Variants in PCDHA4 observed in about 807,000 individuals in gnomAD.
The protein encoded by PCDHA4 is protocadherin alpha 4.
In PCDHA4, 49 loss-of-function variants were observed where a neutral mutation model predicts 61.4. The observed-to-expected ratio is 0.80, with a 90% CI of 0.63 to 1.01. PCDHA4 has a LOEUF of 1.01. Among genes scored for constraint, PCDHA4 ranks in the 50% least tolerant of loss-of-function variants. The pLI is 0.00. For missense variants in PCDHA4, 1,254 were observed against 1,235.8 expected (o/e 1.01, Z -0.22); for synonymous variants, 590 against 550.3 (o/e 1.07, Z -1.01).
At chr5:140,927,183 C>G (rs1554204140) in intron 1 of PCDHA4, 2 of 1,614,042 alleles carry the variant, frequency 1.2e-6, no homozygotes, top group African/African-American at 2.7e-5. Flanking sequence ...TCTTGACCTA[C>G]GACCTGGTGC....
chr5:140,849,974 G>C lies in PCDHA4; in HGVS notation c.2385+40402G>C, dbSNP rs190398483. The C allele has an allele frequency of 8.8e-6, 14 of 1,597,556 alleles. 2 individuals are homozygous for C. In the South Asian group the frequency reaches 1.4e-4, roughly 16 times the overall value. ...AGGAGAACGCCCTGGTGTCCTACTC[G>C]CTGGTGGAGCGGCGGTTGGGCGAGC... is the stretch of plus-strand genomic sequence containing the variant. On this transcript the variant is annotated intron_variant, in intron 1 of 3. Transcript: ENST00000530339.
intron 1 of PCDHA4, among the ~76,000 whole-genome samples, chr5:140,892,460 C>T (rs1428598912): frequency 1.3e-5 from 2 of 152,102 alleles, no homozygotes; most frequent in African/African-American, 2.4e-5. Context: ...TCTTTAAGTA[C>T]GGTTATTCAG....
rs6883852 is a variant in PCDHA4, at chr5:140,924,704, G to T, written c.2386-54245G>T. 8.9e-3 allele frequency among the ~76,000 whole-genome samples: 1,352 copies of T among 152,160 alleles called. 15 individuals are homozygous for T. Among genetic ancestry groups the T allele is most frequent in the African/African-American group, 0.032 (1,309 of 41,486 alleles). On this transcript the variant is annotated intron_variant, in intron 1 of 3. Coordinates refer to ENST00000530339, the MANE Select transcript of PCDHA4 (RefSeq NM_018907.4). ...GAGGTCAGGAGTTCGAGACCAGCTT[G>T]TGCAACATGGCGAAACCTCACCTCT...
chr5:140,809,010 C>T lies in PCDHA4; in HGVS notation c.1823C>T (p.Ser608Leu), dbSNP rs267600386. The change falls in exon 1 of 4, where the codon TCG (serine) becomes TTG (leucine). Residue 608 changes from serine to leucine, a missense_variant. Transcript: ENST00000530339. ...DADSGYNAWL[S>L]YELQPGTGGA... ...GACTCGGGCTACAACGCGTGGCTTT[C>T]GTACGAGCTGCAGCCGGGGACTGGT... 2.5e-6 allele frequency: 4 copies of T among 1,613,664 alleles called. No homozygotes were observed. In the South Asian group the frequency reaches 3.3e-5, roughly 13 times the overall value.
intron 1 of PCDHA4, chr5:140,864,834 A>T (rs2048619369): frequency 6.6e-6 from 1 of 152,166 alleles, no homozygotes; most frequent in African/African-American, 2.4e-5. Context: ...TTTAAGTATA[A>T]GAGAGTCTTC....
At chr5:140,966,831 G>A in intron 1 of PCDHA4, 1 of 1,563,110 alleles carries the variant, frequency 6.4e-7, no homozygotes, top group Non-Finnish European at 8.6e-7. Flanking sequence ...CCCATGCCCT[G>A]GCTGCTGCTA....
rs1217280072 is a variant in PCDHA4 at position 140,819,168 on chromosome 5, A to G, written c.2385+9596A>G. ...AATTTTTATACAGAATTAATTTTTG[A>G]AGAATCAAATGACATATGTGCATAA... On this transcript the variant is annotated intron_variant, in intron 1 of 3. Coordinates refer to ENST00000530339, the MANE Select transcript of PCDHA4 (RefSeq NM_018907.4). Among the ~76,000 whole-genome samples, 9 of 152,332 alleles carry G rather than the reference A, an allele frequency of 5.9e-5. 1 individual carries two copies. Among genetic ancestry groups the G allele is most frequent in the African/African-American group, 2.2e-4 (9 of 41,590 alleles).
At chr5:140,927,316 C>A in intron 1 of PCDHA4, 1 of 1,614,198 alleles carries the variant, frequency 6.2e-7, no homozygotes, top group Non-Finnish European at 8.5e-7. Flanking sequence ...GCCCGGAGCC[C>A]GCTTTACTCT....
chr5:140,980,834 C>A (rs1424222678), intron 2 of PCDHA4, among the ~76,000 whole-genome samples: 1 of 151,974 alleles, frequency 6.6e-6, no homozygotes, highest in Non-Finnish European at 1.5e-5. Context: ...AGTTGTGAAC[C>A]TAAATAATAC....
At chr5:140,840,692 G>A (rs181650579) in intron 1 of PCDHA4, among the ~76,000 whole-genome samples, 1 of 151,924 alleles carries the variant, frequency 6.6e-6, no homozygotes, top group African/African-American at 2.4e-5. Flanking sequence ...TAAATAAAAC[G>A]GTTCAGGCAA....
chr5:140,924,824 G>T (rs782384284), intron 1 of PCDHA4, among the ~76,000 whole-genome samples: 5 of 151,742 alleles, frequency 3.3e-5, no homozygotes, highest in African/African-American at 4.8e-5. Context: ...GAACCTGGGA[G>T]GGGGAGGTTG....
intron 1 of PCDHA4, chr5:140,841,197 A>G: frequency 7.8e-7 from 1 of 1,277,430 alleles, no homozygotes; most frequent in Non-Finnish European, 1.1e-6. Context: ...CTTTTCTCTG[A>G]CAGCATCTGT....
chr5:140,807,484 C>G lies in PCDHA4; in HGVS notation c.297C>G (p.Ser99Arg), dbSNP rs782221460. The G allele has an allele frequency of 6.8e-6, 11 of 1,613,252 alleles. No individual in the cohort carries two copies. Among genetic ancestry groups the G allele is most frequent in the South Asian group, 2.2e-5 (2 of 91,034 alleles). The change falls in exon 1 of 4, where the codon AGC becomes AGG. Residue 99 changes from serine to arginine, a missense_variant. By Grantham distance (110) the Ser-to-Arg change is moderately radical (BLOSUM62 -1). Coordinates refer to ENST00000530339, the MANE Select transcript of PCDHA4 (RefSeq NM_018907.4). ...RIDREELCRR[S>R]AECSIHLEVI... The stretch of plus-strand genomic sequence containing the variant: ...ACCGGGAGGAGCTGTGCCGGCGGAG[C>G]GCGGAGTGCAGCATCCACCTGGAGG...
chr5:141,007,133 G>A (rs1588151080), intron 3 of PCDHA4, among the ~76,000 whole-genome samples: 1 of 152,128 alleles, frequency 6.6e-6, no homozygotes, highest in South Asian at 2.1e-4. Flanking sequence ...CAGATGAGGA[G>A]ACTGACAAAG....
At chr5:140,983,257 A>C (rs2097036264) in intron 3 of PCDHA4, among the ~76,000 whole-genome samples, 1 of 152,214 alleles carries the variant, frequency 6.6e-6, no homozygotes, top group Non-Finnish European at 1.5e-5. Context: ...GTTGTGTAAA[A>C]AACCTAATGG....
At chr5:140,941,629 A>G (rs965702759) in intron 1 of PCDHA4, among the ~76,000 whole-genome samples, 12 of 151,584 alleles carry the variant, frequency 7.9e-5, no homozygotes, top group African/African-American at 2.9e-4. Context: ...CTGCTTCTTA[A>G]TTTCTGTCTT....
At chr5:140,836,198 G>A in intron 1 of PCDHA4, 2 of 1,613,862 alleles carry the variant, frequency 1.2e-6, no homozygotes, top group Non-Finnish European at 1.7e-6. Context: ...GCTACAACGC[G>A]TGGCTTTCGT....
chr5:140,907,761 T>C (rs1554193135), intron 1 of PCDHA4, among the ~76,000 whole-genome samples: 4 of 152,182 alleles, frequency 2.6e-5, no homozygotes, highest in African/African-American at 9.7e-5. Flanking sequence ...ATGGGCCCAT[T>C]GGGTGATGAC....
rs57893927 is a variant in PCDHA4 at position 140,946,631 on chromosome 5, T to TATATATAC, written c.2386-32317_2386-32316insTATATACA. Among the ~76,000 whole-genome samples the TATATATAC allele has an allele frequency of 9.9e-4, 130 of 131,716 alleles. 1 individual carries two copies. The highest frequency in any genetic ancestry group is 2.9e-3 in the East Asian group (14 of 4,862). 86.4% of individuals were successfully genotyped at this position (131,716 alleles called of 152,430 possible). A position where few individuals can be genotyped will look rare whatever the true frequency, so the allele number is the denominator to read the frequency against. ...TGTGAAATATATATATATATATATA[T>TATATATAC]ACAATGGAATACTCATCAGCCATTA... On this transcript the variant is annotated intron_variant, in intron 1 of 3. Coordinates refer to ENST00000530339, the MANE Select transcript of PCDHA4 (RefSeq NM_018907.4).
Sources: allele counts gnomAD v4.1 joint callset (sites outside exome capture counted in the v4.1 genomes callset), GRCh38; gene constraint gnomAD v4.1.1; transcripts MANE v1.5; gene names NCBI Gene and HGNC (gene_info 2026-07-23, HGNC 2026-07-21).